SYT2: variants seen among roughly 807,000 people sequenced by gnomAD.
The protein encoded by SYT2 is synaptotagmin 2.
SYT2 carries 15 observed loss-of-function variants against 39.9 expected under a neutral mutation model. The ratio of observed to expected loss-of-function variants is 0.38; its 90% confidence interval spans 0.25 to 0.58. The LOEUF (loss-of-function observed/expected upper bound fraction) is 0.58. Among genes scored for constraint, SYT2 ranks in the 20% least tolerant of loss-of-function variants. The pLI is 0.70. For synonymous variants in SYT2, 181 were observed against 204.5 expected, an observed-to-expected ratio of 0.89 and a Z score of 0.98; for missense variants, 389 against 530.3, an observed-to-expected ratio of 0.73 and a Z score of 2.62.
intron 1 of SYT2, among the ~76,000 whole-genome samples, chr1:202,642,799 C>T (rs1376010821): frequency 6.6e-6 from 1 of 152,210 alleles, no homozygotes; most frequent in African/African-American, 2.4e-5. Flanking sequence ...GCTGCAGGGT[C>T]CCATGCGCCC....
intron 1 of SYT2, among the ~76,000 whole-genome samples, chr1:202,654,610 T>C (rs537542006): frequency 6.6e-6 from 1 of 152,314 alleles, no homozygotes; most frequent in Admixed American, 6.5e-5. Context: ...TTCATCCTAC[T>C]TGGAGAGGTG....
At chr1:202,682,361 A>G (rs553145977) in intron 1 of SYT2, among the ~76,000 whole-genome samples, 2 of 152,312 alleles carry the variant, frequency 1.3e-5, no homozygotes, top group Non-Finnish European at 1.5e-5. Flanking sequence ...ACGTGGGCAT[A>G]AACACAAAAA....
intron 1 of SYT2, among the ~76,000 whole-genome samples, chr1:202,656,428 C>A (rs1692278134): frequency 6.6e-6 from 1 of 152,198 alleles, no homozygotes; most frequent in South Asian, 2.1e-4. Flanking sequence ...CCCTGTGAGC[C>A]TGAAACTTGG....
chr1:202,637,891 G>C (rs1461640316), intron 1 of SYT2, among the ~76,000 whole-genome samples: 2 of 152,236 alleles, frequency 1.3e-5, no homozygotes, highest in Non-Finnish European at 2.9e-5. Context: ...TGACCTCCAG[G>C]AATGTCACTG....
chr1:202,621,295 A>T (rs1691197147), intron 1 of SYT2, among the ~76,000 whole-genome samples: 1 of 151,894 alleles, frequency 6.6e-6, no homozygotes, highest in Admixed American at 6.6e-5. Context: ...GTGTGTTTTT[A>T]AATTTATTTT....
chr1:202,658,301 A>G (rs1692315623), intron 1 of SYT2, among the ~76,000 whole-genome samples: 1 of 152,144 alleles, frequency 6.6e-6, no homozygotes, highest in Non-Finnish European at 1.5e-5. Flanking sequence ...TTTCAGCTAA[A>G]AGTGCCCTGG....
At chr1:202,615,456 A>G (rs12078752) in intron 1 of SYT2, among the ~76,000 whole-genome samples, 12,353 of 152,078 alleles carry the variant, frequency 0.081, 1,600 homozygotes, top group African/African-American at 0.27. Flanking sequence ...AAACTCATCA[A>G]CCACCCACAA....
rs1193728997 is a variant in SYT2 at position 202,592,456 on chromosome 1, A to G, written c.*4301T>C. 6.6e-6 allele frequency: 1 copy of G among 152,310 alleles called. No individual in the cohort carries two copies. The highest frequency in any genetic ancestry group is 2.4e-5 in the African/African-American group (1 of 41,456). The allele number at this position is 152,310 out of a possible 1,614,324, so 9.4% of individuals were successfully genotyped here. On this transcript the variant is annotated 3_prime_UTR_variant, in exon 9 of 9. Transcript: ENST00000367268. Reference sequence around the variant, plus strand: ...ACATAAAATCAAAGGAGCAGCCTCAACCAGTTCTGTAAAATGGGTTTGAGG... The same window carrying G: ...ACATAAAATCAAAGGAGCAGCCTCAGCCAGTTCTGTAAAATGGGTTTGAGG...
chr1:202,671,381 G>C (rs1324923716), intron 1 of SYT2, among the ~76,000 whole-genome samples: 1 of 152,226 alleles, frequency 6.6e-6, no homozygotes, highest in Non-Finnish European at 1.5e-5. Context: ...AAGGCGGAGA[G>C]ACCCATTTTT....
At position 202,654,839 on chromosome 1, in the gene SYT2, G is replaced by A. The variant is rs376439997; in HGVS notation, c.-17-49050C>T. Among the ~76,000 whole-genome samples, 18 of 152,340 alleles carry A rather than the reference G, an allele frequency of 1.2e-4. 1 individual carries two copies. Among genetic ancestry groups the A allele is most frequent in the Admixed American group, 7.8e-4 (12 of 15,298 alleles). Reference sequence around the variant, plus strand: ...CGAGGTGGGAAGTGTATTCCAGGCAGAATGACCAGCTTCTGCATAATCCAG... The same window carrying A: ...CGAGGTGGGAAGTGTATTCCAGGCAAAATGACCAGCTTCTGCATAATCCAG... On this transcript the variant is annotated intron_variant, in intron 1 of 8. Coordinates refer to ENST00000367268, the MANE Select transcript of SYT2 (RefSeq NM_177402.5).
At chr1:202,675,535 C>T (rs529035446) in intron 1 of SYT2, among the ~76,000 whole-genome samples, 2 of 152,262 alleles carry the variant, frequency 1.3e-5, no homozygotes, top group African/African-American at 2.4e-5. Context: ...CTGAGATCTT[C>T]AGGGACTCAG....
chr1:202,691,684 GGGGAGAGGGAGAGGGAGAGGGAGA>G (rs1169874133), intron 1 of SYT2, among the ~76,000 whole-genome samples: 2 of 49,820 alleles, frequency 4.0e-5, no homozygotes, highest in Non-Finnish European at 7.3e-5. Context: ...AGGGAGCGAG[GGGGAGAGGGAGAGGGAGAGGGAGA>G]GGGAGAGGGA....
At chr1:202,674,392 G>A (rs1195838718) in intron 1 of SYT2, among the ~76,000 whole-genome samples, 5 of 152,138 alleles carry the variant, frequency 3.3e-5, no homozygotes, top group Admixed American at 1.3e-4. Context: ...ATGAGCCACC[G>A]CGCCTGGCCT....
chr1:202,609,968 G>A (rs1381467985), intron 1 of SYT2, among the ~76,000 whole-genome samples: 2 of 152,118 alleles, frequency 1.3e-5, no homozygotes, highest in Non-Finnish European at 2.9e-5. Context: ...GCCCATGCCT[G>A]TGTCCTGAAT....
intron 5 of SYT2, 45 bp from the exon 6 acceptor site, chr1:202,602,102 C>T: frequency 6.2e-7 from 1 of 1,606,972 alleles, no homozygotes; most frequent in Middle Eastern, 1.7e-4. Flanking sequence ...GCGACTCACG[C>T]ACCTCCAGGG....
chr1:202,650,567 C>T (rs896307918), intron 1 of SYT2, among the ~76,000 whole-genome samples: 1 of 151,906 alleles, frequency 6.6e-6, no homozygotes, highest in Admixed American at 6.6e-5. Context: ...TCCTGAGTAG[C>T]TGGGATTTCA....
intron 1 of SYT2, among the ~76,000 whole-genome samples, chr1:202,619,049 C>T (rs1242771060): frequency 6.6e-6 from 1 of 152,206 alleles, no homozygotes; most frequent in African/African-American, 2.4e-5. Context: ...CTTCCTTCCA[C>T]AGCCCAGCAG....
At chr1:202,691,769 GAGAGAGAGAGAGAGAT>G (rs1653840817) in intron 1 of SYT2, among the ~76,000 whole-genome samples, 1 of 143,138 alleles carries the variant, frequency 7.0e-6, no homozygotes, top group African/African-American at 2.6e-5. Context: ...GAGAGAGAGA[GAGAGAGAGAGAGAGAT>G]GGGAGAGGGT....
At chr1:202,662,454 A>T (rs1321387242) in intron 1 of SYT2, among the ~76,000 whole-genome samples, 1 of 152,238 alleles carries the variant, frequency 6.6e-6, no homozygotes, top group Non-Finnish European at 1.5e-5. Flanking sequence ...ACTAAAACTC[A>T]CTGAGGCCAA....
Sources: gnomAD v4.1 joint callset for allele counts (sites outside exome capture counted in the v4.1 genomes callset) on GRCh38, gnomAD v4.1.1 for gene constraint, MANE v1.5 for transcripts, NCBI Gene and HGNC (gene_info 2026-07-23, HGNC 2026-07-21) for gene names.